Variants in CCDC181 observed in about 807,000 individuals in gnomAD.
CCDC181 encodes coiled-coil domain-containing protein 181.
In CCDC181, 35 loss-of-function variants were observed where a neutral mutation model predicts 58.7. That is an observed-to-expected ratio of 0.60 (90% CI 0.46 to 0.79). CCDC181 has a LOEUF of 0.79. Ranked by LOEUF, CCDC181 falls within the 30% of genes least tolerant of loss-of-function variation. The pLI is 0.00. For synonymous variants in CCDC181, 183 were observed against 197.5 expected (o/e 0.93, Z 0.62); for missense variants, 517 against 583.9 (o/e 0.89, Z 1.18).
At chr1:169,452,835 CA>C (rs1657578289) in intron 2 of CCDC181, 1 of 151,878 alleles carries the variant, frequency 6.6e-6, no homozygotes, top group African/African-American at 2.4e-5. Flanking sequence ...TCAAGTATAA[CA>C]AAAATAATTA....
chr1:169,441,269 C>A (rs980832703), intron 2 of CCDC181, among the ~76,000 whole-genome samples: 17 of 152,130 alleles, frequency 1.1e-4, no homozygotes, highest in African/African-American at 3.6e-4. Context: ...CTATTAAGTT[C>A]ATCACTTTTT....
At chr1:169,446,477 T>C (rs1657377339) in intron 2 of CCDC181, among the ~76,000 whole-genome samples, 1 of 152,092 alleles carries the variant, frequency 6.6e-6, no homozygotes, top group Non-Finnish European at 1.5e-5. Context: ...ATTGCCCTTC[T>C]TCATTTAGCT....
Position 169,397,376 on chromosome 1 carries a change from G to T in CCDC181, c.1231C>A (p.Pro411Thr). 6.2e-7 allele frequency: 1 copy of T among 1,603,544 alleles called. No individual in the cohort carries two copies. Among genetic ancestry groups the T allele is most frequent in the Non-Finnish European group, 8.5e-7 (1 of 1,175,532 alleles). Residue 411 changes from proline (P) to threonine (T), a missense_variant, in exon 5 of 6, where the codon CCA becomes ACA. Coordinates refer to ENST00000367806, the MANE Select transcript of CCDC181 (RefSeq NM_001300969.2). ...DMNSRQENRD[P>T]QQAFRLWLKK... ...AGCCATAATCGAAAAGCTTGTTGTGGATCTCTGTTTTCCTGCTGATTAGAA... is the reference window on the plus strand; with the variant it reads ...AGCCATAATCGAAAAGCTTGTTGTGTATCTCTGTTTTCCTGCTGATTAGAA...
At chr1:169,407,225 TAAAG>T (rs1463074865) in intron 4 of CCDC181, among the ~76,000 whole-genome samples, 3 of 152,074 alleles carry the variant, frequency 2.0e-5, no homozygotes, top group African/African-American at 4.8e-5. Flanking sequence ...AGGAAAATTT[TAAAG>T]AAGCCAGAGG....
At chr1:169,435,170 A>C (rs1405307406) in intron 2 of CCDC181, among the ~76,000 whole-genome samples, 2 of 152,112 alleles carry the variant, frequency 1.3e-5, no homozygotes, top group African/African-American at 4.8e-5. Context: ...TAGATGCTAC[A>C]ACATTGATGA....
intron 4 of CCDC181, chr1:169,418,715 G>T (rs1013386159): frequency 3.9e-5 from 15 of 383,852 alleles, no homozygotes; most frequent in Admixed American, 8.8e-5. Context: ...TTTGTGGGGG[G>T]GTGTGTGTGT....
chr1:169,409,363 T>C (rs1269405676), intron 4 of CCDC181, among the ~76,000 whole-genome samples: 3 of 151,930 alleles, frequency 2.0e-5, no homozygotes, highest in Non-Finnish European at 2.9e-5. Flanking sequence ...AGGAACAAAC[T>C]TGGCCTCCAA....
intron 4 of CCDC181, among the ~76,000 whole-genome samples, chr1:169,401,641 C>G (rs182658389): frequency 0.013 from 1,955 of 152,278 alleles, 42 homozygotes; most frequent in African/African-American, 0.042. Flanking sequence ...CACCAAAACC[C>G]CATCTGTACA....
At chr1:169,405,046 A>G (rs552761216) in intron 4 of CCDC181, among the ~76,000 whole-genome samples, 1 of 152,350 alleles carries the variant, frequency 6.6e-6, no homozygotes, top group African/African-American at 2.4e-5. Context: ...TCATGAGTGA[A>G]TTCTCATTCA....
At chr1:169,403,873 G>C (rs572294388) in intron 4 of CCDC181, among the ~76,000 whole-genome samples, 1 of 152,138 alleles carries the variant, frequency 6.6e-6, no homozygotes, top group Admixed American at 6.5e-5. Context: ...GAATCCAGGA[G>C]CTGGTTTTTT....
At chr1:169,410,710 T>G (rs998405147) in intron 4 of CCDC181, among the ~76,000 whole-genome samples, 2 of 152,070 alleles carry the variant, frequency 1.3e-5, no homozygotes, top group African/African-American at 4.8e-5. Context: ...CACAGTGCAA[T>G]CAAATTAGAA....
chr1:169,401,849 A>T (rs1255838897), intron 4 of CCDC181, among the ~76,000 whole-genome samples: 1 of 152,156 alleles, frequency 6.6e-6, no homozygotes, highest in Non-Finnish European at 1.5e-5. Context: ...GTAATAACAA[A>T]CTTCTCCGAG....
At chr1:169,432,656 G>A (rs1056750631) in intron 2 of CCDC181, among the ~76,000 whole-genome samples, 4 of 152,012 alleles carry the variant, frequency 2.6e-5, no homozygotes, top group Non-Finnish European at 4.4e-5. Flanking sequence ...ACTGCACCAT[G>A]GCCAAAAGTG....
chr1:169,403,819 A>C (rs1335551218), intron 4 of CCDC181, among the ~76,000 whole-genome samples: 2 of 152,226 alleles, frequency 1.3e-5, no homozygotes, highest in Admixed American at 6.5e-5. Flanking sequence ...TCAGAGCAGA[A>C]CTGAAGGAGA....
intron 2 of CCDC181, among the ~76,000 whole-genome samples, chr1:169,449,337 G>A (rs897201892): frequency 2.6e-5 from 4 of 152,166 alleles, no homozygotes; most frequent in Non-Finnish European, 4.4e-5. Context: ...AGTTGCACAT[G>A]CCATAAGCTT....
At chr1:169,443,621 GT>G (rs1657292410) in intron 2 of CCDC181, among the ~76,000 whole-genome samples, 1 of 152,086 alleles carries the variant, frequency 6.6e-6, no homozygotes, top group South Asian at 2.1e-4. Context: ...ATGTCCTATA[GT>G]TTTAGCTTTT....
intron 2 of CCDC181, among the ~76,000 whole-genome samples, chr1:169,453,193 A>G (rs1382143787): frequency 3.3e-5 from 5 of 152,106 alleles, no homozygotes; most frequent in African/African-American, 1.2e-4. Context: ...ACACAGGGTA[A>G]AACAGAATTC....
chr1:169,407,707 T>C (rs1191483734), intron 4 of CCDC181, among the ~76,000 whole-genome samples: 1 of 152,182 alleles, frequency 6.6e-6, no homozygotes, highest in Non-Finnish European at 1.5e-5. Flanking sequence ...GCAGGTGATT[T>C]CTGCGTTTGT....
chr1:169,424,726 TAGATG>T, intron 2 of CCDC181, 80 bp downstream of exon 2: 1 of 753,052 alleles, frequency 1.3e-6, no homozygotes, highest in Non-Finnish European at 2.2e-6. Flanking sequence ...TTGTGATGTT[TAGATG>T]AGATAATAAT....
Sources: allele counts gnomAD v4.1 joint callset (sites outside exome capture counted in the v4.1 genomes callset), GRCh38; gene constraint gnomAD v4.1.1; transcripts MANE v1.5; gene names NCBI Gene and HGNC (gene_info 2026-07-23, HGNC 2026-07-21).